WDPCP: variants seen among roughly 807,000 people sequenced by gnomAD.
WDPCP encodes the protein WD repeat containing planar cell polarity effector.
Under a neutral mutation model 93.1 loss-of-function variants are expected in WDPCP, and 71 were observed. That is an observed-to-expected ratio of 0.76 (90% CI 0.63 to 0.93). The LOEUF (loss-of-function observed/expected upper bound fraction) is 0.93. WDPCP is among the 40% of genes least tolerant of loss of function. The pLI, the probability that WDPCP is intolerant of heterozygous loss-of-function variation, is 0.00. For synonymous variants in WDPCP, 315 were observed against 315.0 expected (o/e 1.00, Z 0.00); for missense variants, 844 against 887.4 (o/e 0.95, Z 0.62).
intron 1 of WDPCP, among the ~76,000 whole-genome samples, chr2:63,540,016 T>C (rs530401078): frequency 6.6e-6 from 1 of 152,320 alleles, no homozygotes; most frequent in South Asian, 2.1e-4. Flanking sequence ...ATGAATAGTC[T>C]CTTGAGAATT....
rs1328326947 is a variant in WDPCP at position 63,266,955 on chromosome 2, A to AT, written c.1813-7547dup. Among the ~76,000 whole-genome samples the AT allele has an allele frequency of 4.9e-4, 75 of 151,634 alleles. 1 individual carries two copies. The highest frequency in any genetic ancestry group is 4.8e-3 in the South Asian group (23 of 4,782). ...CAATTCCTATCAAAATTCCAATGTC[A>AT]TTTTTTTTTAGCAAAATAGAAAAAA... On this transcript the variant is annotated intron_variant, in intron 13 of 17. Coordinates refer to ENST00000272321, the MANE Select transcript of WDPCP (RefSeq NM_015910.7).
intron 2 of WDPCP, among the ~76,000 whole-genome samples, chr2:63,690,398 C>A (rs1668873081): frequency 6.6e-6 from 1 of 152,090 alleles, no homozygotes. Flanking sequence ...GCTTTTTTCA[C>A]ACCATCCCAG....
intron 1 of WDPCP, among the ~76,000 whole-genome samples, chr2:63,561,329 C>A (rs1453046315): frequency 1.3e-5 from 2 of 151,822 alleles, no homozygotes; most frequent in African/African-American, 4.8e-5. Context: ...ATACAAAAAA[C>A]CAGCTGGGCG....
chr2:63,584,139 C>T (rs1384639140), intron 1 of WDPCP, among the ~76,000 whole-genome samples: 1 of 144,474 alleles, frequency 6.9e-6, no homozygotes, highest in South Asian at 2.1e-4. Flanking sequence ...GCCTGGGAAA[C>T]AGAGTGAGAT....
At position 63,259,526 on chromosome 2, in the gene WDPCP, T is replaced by G. The variant is rs144347580; in HGVS notation, c.1813-117A>C. Reference sequence around the variant, plus strand: ...ACAAAATAGAAACAGTTTGTAAATATTCTTTTCTGTGTTTTAAGTTTCTTA... The same window carrying G: ...ACAAAATAGAAACAGTTTGTAAATAGTCTTTTCTGTGTTTTAAGTTTCTTA... On this transcript the variant is annotated intron_variant, in intron 13 of 17. Coordinates refer to ENST00000272321, the MANE Select transcript of WDPCP (RefSeq NM_015910.7). The G allele has an allele frequency of 2.7e-3, 2,339 of 870,648 alleles. 5 individuals carry two copies. The highest frequency in any genetic ancestry group is 3.8e-3 in the Non-Finnish European group (2,092 of 556,520). The allele number at this position is 870,648 out of a possible 1,614,324, so 53.9% of individuals were successfully genotyped here.
intron 3 of WDPCP, among the ~76,000 whole-genome samples, chr2:63,621,697 A>G (rs1709739521): frequency 6.6e-6 from 1 of 152,134 alleles, no homozygotes; most frequent in Admixed American, 6.5e-5. Flanking sequence ...ACTCCTAAAA[A>G]GGAGCAACCC....
At chr2:63,283,434 G>A (rs954799651) in intron 13 of WDPCP, among the ~76,000 whole-genome samples, 4 of 152,134 alleles carry the variant, frequency 2.6e-5, no homozygotes, top group Non-Finnish European at 5.9e-5. Flanking sequence ...TTGATAAAGC[G>A]CAGCCTGTGA....
intron 2 of WDPCP, among the ~76,000 whole-genome samples, chr2:63,747,114 T>C (rs1167276142): frequency 6.6e-6 from 1 of 152,168 alleles, no homozygotes; most frequent in Non-Finnish European, 1.5e-5. Context: ...GAATTTTCCC[T>C]GATAAAATGT....
intron 3 of WDPCP, among the ~76,000 whole-genome samples, chr2:63,644,366 C>G (rs1710022918): frequency 6.7e-6 from 1 of 149,998 alleles, no homozygotes; most frequent in South Asian, 2.1e-4. Context: ...GCCTCAGGTT[C>G]CCGAGTAGCT....
At chr2:63,214,768 A>G (rs1012233953) in intron 14 of WDPCP, among the ~76,000 whole-genome samples, 2 of 152,232 alleles carry the variant, frequency 1.3e-5, no homozygotes, top group African/African-American at 4.8e-5. Flanking sequence ...ATGCAACATC[A>G]GCAAAGTCTC....
chr2:63,359,150 A>G (rs1220027919), intron 12 of WDPCP, among the ~76,000 whole-genome samples: 1 of 151,714 alleles, frequency 6.6e-6, no homozygotes, highest in African/African-American at 2.4e-5. Context: ...TTCGTATCTC[A>G]ATACTACTTT....
chr2:63,249,971 A>C (rs1475831343), intron 14 of WDPCP, among the ~76,000 whole-genome samples: 2 of 152,144 alleles, frequency 1.3e-5, no homozygotes, highest in Non-Finnish European at 2.9e-5. Flanking sequence ...CCTTCTTCAC[A>C]ATGTCATGGA....
intron 14 of WDPCP, among the ~76,000 whole-genome samples, chr2:63,201,070 T>C (rs1675873195): frequency 6.6e-6 from 1 of 152,138 alleles, no homozygotes; most frequent in Non-Finnish European, 1.5e-5. Flanking sequence ...TGGGAGGTAA[T>C]TAGATCATGG....
intron 6 of WDPCP, among the ~76,000 whole-genome samples, chr2:63,456,925 T>A (rs960551845): frequency 2.0e-5 from 3 of 152,044 alleles, no homozygotes; most frequent in African/African-American, 7.2e-5. Context: ...GGCATGAGAA[T>A]CACTTAAACC....
intron 15 of WDPCP, among the ~76,000 whole-genome samples, chr2:63,159,514 G>A (rs938750716): frequency 6.6e-6 from 1 of 152,020 alleles, no homozygotes; most frequent in African/African-American, 2.4e-5. Context: ...TTTTCCTGCC[G>A]CTTTATATAT....
At chr2:63,305,398 T>C (rs1417420488) in intron 13 of WDPCP, among the ~76,000 whole-genome samples, 3 of 152,136 alleles carry the variant, frequency 2.0e-5, no homozygotes, top group Admixed American at 2.0e-4. Context: ...GGCAGCGATC[T>C]TTGCTGTTCT....
intron 2 of WDPCP, among the ~76,000 whole-genome samples, chr2:63,489,226 G>A (rs1356936187): frequency 6.6e-6 from 1 of 151,914 alleles, no homozygotes; most frequent in Non-Finnish European, 1.5e-5. Context: ...TAAAAAATAG[G>A]GGAGCTCCAG....
At chr2:63,795,733 T>TAAATGTCTGAAGC (rs1670605540) in intron 2 of WDPCP, among the ~76,000 whole-genome samples, 1 of 152,164 alleles carries the variant, frequency 6.6e-6, no homozygotes, top group Admixed American at 6.5e-5. Flanking sequence ...GTGCTGGAAT[T>TAAATGTCTGAAGC]ACAGGCATGA....
chr2:63,151,633 C>T (rs544097883), intron 17 of WDPCP, among the ~76,000 whole-genome samples: 3 of 152,204 alleles, frequency 2.0e-5, no homozygotes, highest in African/African-American at 7.2e-5. Context: ...TAAACAAATT[C>T]TTAGGCATGT....
Sources: gnomAD v4.1 joint callset for allele counts (sites outside exome capture counted in the v4.1 genomes callset) on GRCh38, gnomAD v4.1.1 for gene constraint, MANE v1.5 for transcripts, NCBI Gene and HGNC (gene_info 2026-07-23, HGNC 2026-07-21) for gene names.